Variants in FGD5 observed in about 807,000 individuals in gnomAD.
FGD5 encodes the protein FYVE, RhoGEF and PH domain-containing protein 5.
A neutral mutation model predicts 133.4 loss-of-function variants in FGD5; 28 were observed. The observed-to-expected ratio is 0.21, with a 90% CI of 0.16 to 0.29. The LOEUF (loss-of-function observed/expected upper bound fraction) is 0.29. FGD5 is among the 10% of genes least tolerant of loss of function. The pLI, the probability that FGD5 is intolerant of heterozygous loss-of-function variation, is 1.00. For missense variants in FGD5, 1,858 were observed against 1,895.2 expected, an observed-to-expected ratio of 0.98 and a Z score of 0.36; for synonymous variants, 810 against 776.5, an observed-to-expected ratio of 1.04 and a Z score of -0.72.
At chr3:14,932,479 C>T (rs2038915508) in intron 18 of FGD5, 98 bp from the exon 19 acceptor site, 1 of 1,411,658 alleles carries the variant, frequency 7.1e-7, no homozygotes. Flanking sequence ...GCACACCCCA[C>T]ACAGAGGCAC....
At chr3:14,883,216 T>G (rs992194340) in intron 4 of FGD5, among the ~76,000 whole-genome samples, 2 of 152,176 alleles carry the variant, frequency 1.3e-5, no homozygotes, top group African/African-American at 2.4e-5. Flanking sequence ...TTTACATTTT[T>G]AAACATTTGT....
At chr3:14,815,584 A>G (rs926569244), upstream of FGD5, among the ~76,000 whole-genome samples, 3 of 152,214 alleles carry the variant, frequency 2.0e-5, no homozygotes, top group African/African-American at 7.2e-5. Context: ...ACTAAGAGAA[A>G]TTGAATGGGA....
chr3:14,873,846 C>T (rs575408012), intron 2 of FGD5, among the ~76,000 whole-genome samples: 12 of 152,074 alleles, frequency 7.9e-5, no homozygotes, highest in East Asian at 5.8e-4. Context: ...CTCAGCCTTC[C>T]GAGTAGCTGG....
chr3:14,869,332 CAA>C lies in FGD5; in HGVS notation c.2658+5075_2658+5076del, dbSNP rs1461875053. Among the ~76,000 whole-genome samples, 5 of 149,968 alleles carry C rather than the reference CAA, an allele frequency of 3.3e-5. No individual in the cohort carries two copies. The East Asian group carries it at 1.0e-3, about 31-fold the overall frequency. On this transcript the variant is annotated intron_variant, in intron 2 of 19. Transcript: ENST00000285046. ...CAATACAAACAAACAAACAAACAAACAAAACTGGCTATGGTCGTGAGGAACAG... is the reference window on the plus strand; with the variant it reads ...CAATACAAACAAACAAACAAACAAACAACTGGCTATGGTCGTGAGGAACAG...
chr3:14,896,671 A>G (rs1417242642), intron 4 of FGD5, among the ~76,000 whole-genome samples: 3 of 152,120 alleles, frequency 2.0e-5, no homozygotes, highest in South Asian at 2.1e-4. Context: ...GGGTTTCTCC[A>G]TGTTGGTCAG....
intron 1 of FGD5, among the ~76,000 whole-genome samples, chr3:14,839,526 G>C (rs2036877708): frequency 1.3e-5 from 2 of 152,216 alleles, no homozygotes. Context: ...GCACAGCACA[G>C]GGGCACAGAG....
intron 1 of FGD5, among the ~76,000 whole-genome samples, chr3:14,848,040 G>T (rs143963104): frequency 3.9e-5 from 6 of 152,184 alleles, no homozygotes; most frequent in African/African-American, 7.2e-5. Flanking sequence ...TCTGTCAGCC[G>T]CGGGGTGTGG....
rs1353175398 is a variant in FGD5 at position 14,819,376 on chromosome 3, G to C, written c.305G>C (p.Arg102Pro). ...TCCTCTGCGGAAGAGGAAGAGGAGC[G>C]TGAAGAGGGAGGCGAGGCATGTGGC... is the stretch of plus-strand genomic sequence containing the variant. ...PESSAEEEEE[R>P]EEGGEACGLE... is the part of the protein sequence containing the mutation. Residue 102 changes from arginine to proline, a missense_variant, in exon 1 of 20, where the codon CGT becomes CCT. By Grantham distance (103) the Arg-to-Pro change is moderately radical. Around this residue, in one of 3 missense-constraint regions of FGD5, gnomAD observed 1,824 missense variants for 1,848.9 expected, o/e 0.99. Transcript: ENST00000285046. The surrounding 1 kb of genome is among the most constrained non-coding windows in gnomAD (Gnocchi z 4.1). 1 of 1,549,782 alleles carries C rather than the reference G, an allele frequency of 6.5e-7. No homozygotes were observed. The highest frequency in any genetic ancestry group is 1.2e-5 in the South Asian group (1 of 83,678).
rs918158913 is a variant in FGD5 at position 14,921,989 on chromosome 3, C to T, written c.3641C>T (p.Ala1214Val). The change falls in exon 14 of 20, where the codon GCG becomes GTG. Residue 1214 changes from alanine to valine, a missense_variant. By Grantham distance (64) the Ala-to-Val change is moderately conservative. This residue lies in a region of FGD5 where 1,824 missense variants were observed against 1,848.9 expected (regional missense o/e 0.99). Transcript: ENST00000285046. ...CTCCCTGAGGACTACAAGGCCCAGG[C>T]GCTGGCTGCATTCCACCATAGCGTG... ...RALPEDYKAQ[A>V]LAAFHHSVEI... 23 of 1,566,068 alleles carry T rather than the reference C, an allele frequency of 1.5e-5. No homozygotes were observed. The highest frequency in any genetic ancestry group is 4.8e-5 in the East Asian group (2 of 41,936).
At chr3:14,923,973 T>C in intron 16 of FGD5, 35 bp from the exon 17 acceptor site, 1 of 1,613,292 alleles carries the variant, frequency 6.2e-7, no homozygotes, top group Middle Eastern at 1.6e-4. Flanking sequence ...GGCACGCCTC[T>C]CACCTCCCTT....
At chr3:14,926,036 G>A (rs371021013) in intron 17 of FGD5, 34 bp from the exon 18 acceptor site, 2 of 1,611,460 alleles carry the variant, frequency 1.2e-6, no homozygotes, top group South Asian at 1.1e-5. Flanking sequence ...CTGACCACCG[G>A]GGTGGGCTGA....
intron 1 of FGD5, among the ~76,000 whole-genome samples, chr3:14,823,595 GA>G (rs2036545844): frequency 6.6e-6 from 1 of 152,218 alleles, no homozygotes; most frequent in South Asian, 2.1e-4. Context: ...ACACAGAGAG[GA>G]AAAGGCACTT....
chr3:14,844,656 TC>T (rs1303829621), intron 1 of FGD5, among the ~76,000 whole-genome samples: 4 of 152,116 alleles, frequency 2.6e-5, no homozygotes, highest in African/African-American at 7.2e-5. Context: ...GCTGCATAGT[TC>T]ACTGACAGTG....
intron 1 of FGD5, 64 bp downstream of exon 1, chr3:14,821,660 G>A: frequency 6.9e-7 from 1 of 1,457,928 alleles, no homozygotes; most frequent in African/African-American, 1.4e-5. Flanking sequence ...CAGCGTGGGT[G>A]TGGGGGACAG....
chr3:14,888,261 A>G (rs1426249495), intron 4 of FGD5, among the ~76,000 whole-genome samples: 3 of 152,214 alleles, frequency 2.0e-5, no homozygotes, highest in Non-Finnish European at 2.9e-5. Flanking sequence ...ACCAGACATT[A>G]AGCACAGTCT....
rs150745477 is a variant in FGD5 at position 14,855,704 on chromosome 3, A to T, written c.2526-8424A>T. On this transcript the variant is annotated intron_variant, in intron 1 of 19. Transcript: ENST00000285046. The stretch of plus-strand genomic sequence containing the variant: ...ATCATTTACCCATCTTTTTAATCAG[A>T]TTGGGTTTTTGTGTGTGTGTGTATG... 1.6e-4 allele frequency among the ~76,000 whole-genome samples: 24 copies of T among 151,066 alleles called. No individual in the cohort carries two copies. The East Asian group carries it at 4.5e-3, about 28-fold the overall frequency.
At position 14,821,216 on chromosome 3, in the gene FGD5, T is replaced by A. The variant is rs1243794651; in HGVS notation, c.2145T>A (p.Ala715=). 6.2e-7 allele frequency: 1 copy of A among 1,613,952 alleles called. No homozygotes were observed. Among genetic ancestry groups the A allele is most frequent in the South Asian group, 1.1e-5 (1 of 91,080 alleles). ...QLKSRTGKLR[A]SESPSSLIFY... is the part of the protein sequence containing the mutation. The stretch of plus-strand genomic sequence containing the variant: ...AGTCTCGGACTGGGAAGCTCCGGGC[T>A]TCTGAATCCCCCTCCTCCCTCATCT... The change falls in exon 1 of 20, where the codon GCT becomes GCA. Residue 715 remains alanine, a synonymous_variant. Transcript: ENST00000285046.
At position 14,820,034 on chromosome 3, in the gene FGD5, C is replaced by G. The variant is rs373543905; in HGVS notation, c.963C>G (p.Ala321=). 2.5e-6 allele frequency: 4 copies of G among 1,613,990 alleles called. No homozygotes were observed. The highest frequency in any genetic ancestry group is 2.2e-5 in the South Asian group (2 of 91,086). Residue 321 remains alanine, a synonymous_variant, in exon 1 of 20, where the codon GCC becomes GCG. Coordinates refer to ENST00000285046, the MANE Select transcript of FGD5 (RefSeq NM_152536.4). ...TLEDHAQDES[A]EESCQIVPFE... ...AGGACCATGCACAGGATGAGTCCGC[C>G]GAGGAGAGCTGCCAGATTGTCCCTT... is the stretch of plus-strand genomic sequence containing the variant.
intron 4 of FGD5, among the ~76,000 whole-genome samples, chr3:14,895,412 C>G (rs1264637187): frequency 6.6e-6 from 1 of 152,178 alleles, no homozygotes; most frequent in Admixed American, 6.5e-5. Context: ...TAGTGTCATT[C>G]TTCTGCATTT....
Sources: gnomAD v4.1 joint callset for allele counts (sites outside exome capture counted in the v4.1 genomes callset) on GRCh38, gnomAD v4.1.1 for gene constraint, gnomAD v4.1.1 regional missense constraint, Gnocchi (gnomAD v3.1) non-coding constraint, MANE v1.5 for transcripts, NCBI Gene and HGNC (gene_info 2026-07-23, HGNC 2026-07-21) for gene names.